Variants in APPBP2 observed in about 807,000 individuals in gnomAD.
APPBP2 encodes the protein amyloid beta precursor protein binding protein 2.
Under a neutral mutation model 76.0 loss-of-function variants are expected in APPBP2, and 15 were observed. That is an observed-to-expected ratio of 0.20 (90% CI 0.13 to 0.30). APPBP2 has a LOEUF of 0.30. Ranked by LOEUF, APPBP2 falls within the 10% of genes least tolerant of loss-of-function variation. APPBP2 has a pLI of 1.00. For missense variants in APPBP2, 401 were observed against 687.2 expected (o/e 0.58, Z 4.66); for synonymous variants, 222 against 242.2 (o/e 0.92, Z 0.77).
Position 60,470,531 on chromosome 17 carries a change from G to T in APPBP2, c.504-4072C>A, listed in dbSNP as rs186039865. Among the ~76,000 whole-genome samples the T allele has an allele frequency of 2.5e-3, 381 of 152,268 alleles. 1 individual carries two copies. Among genetic ancestry groups the T allele is most frequent in the African/African-American group, 8.9e-3 (370 of 41,544 alleles). On this transcript the variant is annotated intron_variant, in intron 4 of 12. Coordinates refer to ENST00000083182, the MANE Select transcript of APPBP2 (RefSeq NM_006380.5). ...TCCTTCTGCCTCAGCCTCCCAAAGTGCTGGGATTACAGGTGTGAGCCACCA... is the reference window on the plus strand; with the variant it reads ...TCCTTCTGCCTCAGCCTCCCAAAGTTCTGGGATTACAGGTGTGAGCCACCA...
chr17:60,475,667 A>G lies in APPBP2; in HGVS notation c.503+3481T>C, dbSNP rs975358759. Among the ~76,000 whole-genome samples, 360 of 151,024 alleles carry G rather than the reference A, an allele frequency of 2.4e-3. 7 individuals are homozygous for G. Among genetic ancestry groups the G allele is most frequent in the African/African-American group, 8.2e-3 (338 of 41,132 alleles). On this transcript the variant is annotated intron_variant, in intron 4 of 12. Coordinates refer to ENST00000083182, the MANE Select transcript of APPBP2 (RefSeq NM_006380.5). ...TCTTTATACACACACACACACACAC[A>G]CACACACACACACACACACACACGC...
chr17:60,500,068 G>A (rs2090809991), intron 2 of APPBP2, among the ~76,000 whole-genome samples: 1 of 150,622 alleles, frequency 6.6e-6, no homozygotes, highest in African/African-American at 2.5e-5. Flanking sequence ...CTGGAGTGCA[G>A]TGGCGCGATC....
intron 1 of APPBP2, among the ~76,000 whole-genome samples, chr17:60,507,699 G>A (rs917964293): frequency 6.6e-6 from 1 of 152,048 alleles, no homozygotes; most frequent in Non-Finnish European, 1.5e-5. Flanking sequence ...TGAAATTATC[G>A]AGATTAACCC....
intron 4 of APPBP2, among the ~76,000 whole-genome samples, chr17:60,473,405 TC>T (rs1249823892): frequency 4.6e-5 from 7 of 152,226 alleles, no homozygotes; most frequent in Non-Finnish European, 7.3e-5. Context: ...AGGCTATATG[TC>T]TATTAAAAAA....
intron 4 of APPBP2, among the ~76,000 whole-genome samples, chr17:60,474,948 G>A (rs917257284): frequency 6.6e-6 from 1 of 152,002 alleles, no homozygotes; most frequent in Non-Finnish European, 1.5e-5. Flanking sequence ...ATAAAATAGA[G>A]GCCAGGTGCA....
At chr17:60,484,464 C>T (rs1468972925) in intron 3 of APPBP2, among the ~76,000 whole-genome samples, 1 of 152,010 alleles carries the variant, frequency 6.6e-6, no homozygotes, top group Non-Finnish European at 1.5e-5. Flanking sequence ...GGTTGGATTC[C>T]TAGGTATTTT....
Position 60,447,724 on chromosome 17 carries a change from C to T in APPBP2, c.1615G>A (p.Val539Ile), listed in dbSNP as rs2090360869. The T allele has an allele frequency of 9.9e-6, 16 of 1,614,048 alleles. No homozygotes were observed. The highest frequency in any genetic ancestry group is 1.7e-4 in the Middle Eastern group (1 of 6,022). ...CGCAACCGGTTCCAGTTAGACAGAA[C>T]ATTGTGATATTCAAACACTTTCTCG... ...NYEKVFEYHN[V>I]LSNWNRLRDR... The change falls in exon 13 of 13, where the codon GTT becomes ATT. Residue 539 changes from valine (V) to isoleucine (I), a missense_variant. Val to Ile is a conservative substitution (Grantham distance 29). This residue lies in a region of APPBP2 where 56 missense variants were observed against 76.5 expected (regional missense o/e 0.73). Coordinates refer to ENST00000083182, the MANE Select transcript of APPBP2 (RefSeq NM_006380.5).
intron 3 of APPBP2, among the ~76,000 whole-genome samples, chr17:60,480,907 C>A (rs1019504868): frequency 6.6e-6 from 1 of 152,160 alleles, no homozygotes; most frequent in African/African-American, 2.4e-5. Flanking sequence ...TTCCTGCTGA[C>A]AAAAACACCC....
intron 4 of APPBP2, among the ~76,000 whole-genome samples, chr17:60,478,349 T>C (rs2090605774): frequency 6.6e-6 from 1 of 151,344 alleles, no homozygotes; most frequent in African/African-American, 2.4e-5. Context: ...TAAAGCAGAG[T>C]TACTTCTAGA....
intron 2 of APPBP2, among the ~76,000 whole-genome samples, chr17:60,499,299 A>C (rs902639449): frequency 1.3e-5 from 2 of 151,738 alleles, no homozygotes; most frequent in African/African-American, 4.8e-5. Context: ...ATGCCACTGA[A>C]CTCCATCCTG....
In APPBP2 at chr17:60,443,763, C is replaced by A. The variant is rs1049091020; in HGVS notation, c.*3818G>T. 1.3e-5 allele frequency: 2 copies of A among 152,534 alleles called. No individual in the cohort carries two copies. Among genetic ancestry groups the A allele is most frequent in the South Asian group, 4.1e-4 (2 of 4,832 alleles). 9.4% of individuals were successfully genotyped at this position (152,534 alleles called of 1,614,324 possible). A position where few individuals can be genotyped will look rare whatever the true frequency, so the allele number is the denominator to read the frequency against. ...AAATTTTACTCTTGAAAAACATGTGCACTTCAACAAACTCACTAAGGCCAC... is the reference window on the plus strand; with the variant it reads ...AAATTTTACTCTTGAAAAACATGTGAACTTCAACAAACTCACTAAGGCCAC... On this transcript the variant is annotated 3_prime_UTR_variant, in exon 13 of 13. Transcript: ENST00000083182.
At chr17:60,471,426 T>C (rs1368138276) in intron 4 of APPBP2, among the ~76,000 whole-genome samples, 1 of 152,174 alleles carries the variant, frequency 6.6e-6, no homozygotes, top group Non-Finnish European at 1.5e-5. Flanking sequence ...TCTTTCACTA[T>C]AGAGTATGAT....
chr17:60,450,715 G>A (rs1598345062), intron 12 of APPBP2, among the ~76,000 whole-genome samples: 1 of 149,974 alleles, frequency 6.7e-6, no homozygotes, highest in Non-Finnish European at 1.5e-5. Flanking sequence ...GGAGATTGAG[G>A]CTGCAGTGAG....
chr17:60,504,685 T>C (rs2090852477), intron 1 of APPBP2, among the ~76,000 whole-genome samples: 1 of 152,166 alleles, frequency 6.6e-6, no homozygotes, highest in Non-Finnish European at 1.5e-5. Flanking sequence ...TGGCTGCGTG[T>C]CCCAGGTACT....
intron 12 of APPBP2, among the ~76,000 whole-genome samples, chr17:60,450,169 C>G (rs1373482049): frequency 6.6e-6 from 1 of 151,560 alleles, no homozygotes; most frequent in Non-Finnish European, 1.5e-5. Context: ...GACGCGGTGG[C>G]TCATGAGGCC....
chr17:60,450,226 T>C (rs112390774), intron 12 of APPBP2, among the ~76,000 whole-genome samples: 12,432 of 151,202 alleles, frequency 0.082, 1,696 homozygotes, highest in African/African-American at 0.28. Flanking sequence ...ATCACGAGGT[T>C]AAGAGATTGA....
At chr17:60,483,587 GT>G (rs1265421868) in intron 3 of APPBP2, among the ~76,000 whole-genome samples, 2 of 152,032 alleles carry the variant, frequency 1.3e-5, no homozygotes, top group Non-Finnish European at 2.9e-5. Context: ...TAGAGACGGG[GT>G]TTCACCATGT....
intron 9 of APPBP2, among the ~76,000 whole-genome samples, chr17:60,458,240 T>C (rs933535433): frequency 3.3e-5 from 5 of 151,964 alleles, no homozygotes; most frequent in African/African-American, 7.3e-5. Flanking sequence ...TCGAGACCAG[T>C]CTGGCCAACA....
At chr17:60,478,864 T>A (rs2090609540) in intron 4 of APPBP2, among the ~76,000 whole-genome samples, 1 of 152,172 alleles carries the variant, frequency 6.6e-6, no homozygotes, top group African/African-American at 2.4e-5. Context: ...GAGCCAAGAC[T>A]GTGCCACTGC....
Sources: gnomAD v4.1 joint callset for allele counts (sites outside exome capture counted in the v4.1 genomes callset) on GRCh38, gnomAD v4.1.1 for gene constraint, gnomAD v4.1.1 regional missense constraint, MANE v1.5 for transcripts, NCBI Gene and HGNC (gene_info 2026-07-23, HGNC 2026-07-21) for gene names.